The following KIRREL1 variants were observed in gnomAD, a reference collection of about 807,000 sequenced individuals.
KIRREL1 encodes the protein kin of IRRE-like protein 1.
A neutral mutation model predicts 83.3 loss-of-function variants in KIRREL1; 25 were observed. The ratio of observed to expected loss-of-function variants is 0.30; its 90% CI spans 0.22 to 0.42. The LOEUF is 0.42. Ranked by LOEUF, KIRREL1 falls within the 10% of genes least tolerant of loss-of-function variation. The pLI, the probability that KIRREL1 is intolerant of heterozygous loss-of-function variation, is 1.00. For missense variants in KIRREL1, 812 were observed against 1,032.3 expected, an observed-to-expected ratio of 0.79 and a Z score of 2.92; for synonymous variants, 388 against 410.4, an observed-to-expected ratio of 0.95 and a Z score of 0.66.
intron 1 of KIRREL1, among the ~76,000 whole-genome samples, chr1:158,027,162 C>T (rs959592283): frequency 3.9e-5 from 6 of 152,188 alleles, no homozygotes; most frequent in Non-Finnish European, 4.4e-5. Flanking sequence ...TTCCCAAGAC[C>T]CCATCCTGAG....
At chr1:158,067,269 A>T (rs1661380032) in intron 1 of KIRREL1, among the ~76,000 whole-genome samples, 1 of 152,134 alleles carries the variant, frequency 6.6e-6, no homozygotes, top group Non-Finnish European at 1.5e-5. Context: ...AGAAACTCTG[A>T]TGGGAGCTTC....
chr1:158,055,221 A>C (rs1452699097), intron 1 of KIRREL1, among the ~76,000 whole-genome samples: 2 of 152,002 alleles, frequency 1.3e-5, no homozygotes, highest in Non-Finnish European at 2.9e-5. Context: ...ATGGAAAGAG[A>C]TTAAACCAAG....
At chr1:158,049,489 A>G (rs1358066145) in intron 1 of KIRREL1, among the ~76,000 whole-genome samples, 1 of 152,190 alleles carries the variant, frequency 6.6e-6, no homozygotes, top group African/African-American at 2.4e-5. Flanking sequence ...GGATTTCTAG[A>G]AGGTAAAGTG....
chr1:158,051,594 T>C (rs1464182526), intron 1 of KIRREL1, among the ~76,000 whole-genome samples: 2 of 152,352 alleles, frequency 1.3e-5, no homozygotes, highest in Admixed American at 6.5e-5. Flanking sequence ...AGTGAATGGA[T>C]ACCTGCTCTC....
intron 1 of KIRREL1, among the ~76,000 whole-genome samples, chr1:158,047,794 T>C (rs958189592): frequency 6.6e-6 from 1 of 152,136 alleles, no homozygotes; most frequent in African/African-American, 2.4e-5. Context: ...AGCTGTGAAA[T>C]GCTGACTATA....
In KIRREL1 at chr1:158,094,516, C is replaced by T; in HGVS notation, c.1797+126C>T. ...GTGGTTGGGAGGGTTTTTGAAGGAG[C>T]AGAGGAGGTGGAATGCTAGATGGGG... On this transcript the variant is annotated intron_variant, in intron 14 of 14. Coordinates refer to ENST00000359209, the MANE Select transcript of KIRREL1 (RefSeq NM_018240.7). This position sits in a 1 kb window ranked among gnomAD's most constrained non-coding sequence, Gnocchi z 4.6. 1.6e-6 allele frequency: 2 copies of T among 1,266,454 alleles called. No homozygotes were observed. The highest frequency in any genetic ancestry group is 2.3e-6 in the Non-Finnish European group (2 of 868,776). The allele number at this position is 1,266,454 out of a possible 1,614,324, so 78.5% of individuals were successfully genotyped here.
At chr1:158,021,560 T>C (rs1188718723) in intron 1 of KIRREL1, among the ~76,000 whole-genome samples, 2 of 152,224 alleles carry the variant, frequency 1.3e-5, no homozygotes, top group Admixed American at 1.3e-4. Context: ...AGGCTCTTTT[T>C]AGCTATAACT....
chr1:158,026,237 TCAGAGGCACAGAAAGCACAC>T (rs1660166530), intron 1 of KIRREL1, among the ~76,000 whole-genome samples: 1 of 152,182 alleles, frequency 6.6e-6, no homozygotes, highest in Non-Finnish European at 1.5e-5. Context: ...CCTCTGAATC[TCAGAGGCACAGAAAGCACAC>T]CAGGGGTAGG....
intron 10 of KIRREL1, among the ~76,000 whole-genome samples, chr1:158,090,792 A>T (rs956621768): frequency 6.6e-6 from 1 of 152,242 alleles, no homozygotes; most frequent in Admixed American, 6.5e-5. Context: ...ATGCTTAGTT[A>T]GAATCACAGA....
intron 11 of KIRREL1, among the ~76,000 whole-genome samples, chr1:158,092,477 A>G (rs1662229483): frequency 6.6e-6 from 1 of 150,434 alleles, no homozygotes; most frequent in South Asian, 2.1e-4. Context: ...CCTCCCGAGT[A>G]GCTGGGACTA....
In KIRREL1 at chr1:158,089,552, C is replaced by G. The variant is rs369810345; in HGVS notation, c.1095C>G (p.Asp365Glu). 1.2e-6 allele frequency: 2 copies of G among 1,614,180 alleles called. No homozygotes were observed. The highest frequency in any genetic ancestry group is 1.7e-6 in the Non-Finnish European group (2 of 1,180,042). ...QLLLKSVTQA[D>E]AGTYTCRAIV... ...TGCTGAAGTCGGTGACTCAGGCAGA[C>G]GCTGGCACCTACACCTGCCGGGCCA... is the stretch of plus-strand genomic sequence containing the variant. Residue 365 changes from aspartate (D) to glutamate (E), a missense_variant, in exon 9 of 15, where the codon GAC becomes GAG. Coordinates refer to ENST00000359209, the MANE Select transcript of KIRREL1 (RefSeq NM_018240.7).
chr1:158,068,761 G>A (rs550116397), intron 1 of KIRREL1, among the ~76,000 whole-genome samples: 124 of 152,072 alleles, frequency 8.2e-4, no homozygotes, highest in Non-Finnish European at 1.1e-3. Flanking sequence ...GGACCTCTCT[G>A]GCTGTTGTAT....
At chr1:158,032,420 G>A (rs1207158662) in intron 1 of KIRREL1, among the ~76,000 whole-genome samples, 1 of 152,192 alleles carries the variant, frequency 6.6e-6, no homozygotes, top group Non-Finnish European at 1.5e-5. Flanking sequence ...TCAATCTCAG[G>A]AACATAGTAG....
intron 3 of KIRREL1, among the ~76,000 whole-genome samples, chr1:158,080,654 C>G (rs1187794517): frequency 6.6e-6 from 1 of 152,162 alleles, no homozygotes. Flanking sequence ...GGGCAAACAC[C>G]TGGGCATGGT....
chr1:158,091,808 C>T (rs1477297741), intron 11 of KIRREL1, among the ~76,000 whole-genome samples: 1 of 152,190 alleles, frequency 6.6e-6, no homozygotes, highest in African/African-American at 2.4e-5. Flanking sequence ...CCCTCCAGAA[C>T]CTGGCCTCCA....
At chr1:158,040,734 ATGAAAAGGC>A (rs1352075301) in intron 1 of KIRREL1, among the ~76,000 whole-genome samples, 1 of 152,216 alleles carries the variant, frequency 6.6e-6, no homozygotes, top group African/African-American at 2.4e-5. Flanking sequence ...AACCCTAGTA[ATGAAAAGGC>A]TGGTCTATTC....
At chr1:157,995,450 CTGTTGG>C (rs1415432880) in intron 1 of KIRREL1, among the ~76,000 whole-genome samples, 15 of 149,554 alleles carry the variant, frequency 1.0e-4, no homozygotes, top group African/African-American at 2.7e-4. Flanking sequence ...TTCAGCCAGG[CTGTTGG>C]TGTCGGGGAG....
At chr1:158,007,201 A>G (rs1421524785) in intron 1 of KIRREL1, among the ~76,000 whole-genome samples, 2 of 152,206 alleles carry the variant, frequency 1.3e-5, no homozygotes, top group Non-Finnish European at 2.9e-5. Context: ...ATAAACACCT[A>G]TAAAGATCAT....
At chr1:158,016,580 A>G (rs1448160589) in intron 1 of KIRREL1, among the ~76,000 whole-genome samples, 2 of 152,140 alleles carry the variant, frequency 1.3e-5, no homozygotes, top group East Asian at 1.9e-4. Context: ...GATAATAATG[A>G]TGATAAATAA....
Sources: allele counts gnomAD v4.1 joint callset (sites outside exome capture counted in the v4.1 genomes callset), GRCh38; gene constraint gnomAD v4.1.1; non-coding constraint Gnocchi (gnomAD v3.1); transcripts MANE v1.5; gene names NCBI Gene and HGNC (gene_info 2026-07-23, HGNC 2026-07-21).